Variants in ITPR2 observed in about 807,000 individuals in gnomAD.
The protein encoded by ITPR2 is inositol 1,4,5-trisphosphate receptor type 2, also known as inositol 1,4,5-trisphosphate-gated calcium channel ITPR2.
ITPR2 carries 207 observed loss-of-function variants against 317.1 expected under a neutral mutation model. The ratio of observed to expected loss-of-function variants is 0.65; its 90% CI spans 0.58 to 0.73. The LOEUF is 0.73. ITPR2 is among the 30% of genes least tolerant of loss of function. ITPR2 has a pLI of 0.00. For synonymous variants in ITPR2, 1,156 were observed against 1,149.1 expected (o/e 1.01, Z -0.12); for missense variants, 2,613 against 3,284.0 (o/e 0.80, Z 4.99).
At chr12:26,577,394 G>A in intron 34 of ITPR2, among the ~76,000 whole-genome samples, 1 of 152,094 alleles carries the variant, frequency 6.6e-6, no homozygotes, top group East Asian at 1.9e-4. Flanking sequence ...AGGAGAACTG[G>A]CATCTTTATC....
intron 39 of ITPR2, among the ~76,000 whole-genome samples, chr12:26,488,156 C>T (rs1338436657): frequency 6.6e-6 from 1 of 151,648 alleles, no homozygotes; most frequent in African/African-American, 2.4e-5. Flanking sequence ...TTATTACTAC[C>T]AAGATTATGA....
At chr12:26,359,408 TA>T (rs2136574604) in intron 55 of ITPR2, among the ~76,000 whole-genome samples, 1 of 152,292 alleles carries the variant, frequency 6.6e-6, no homozygotes, top group East Asian at 1.9e-4. Context: ...GGCTATGATT[TA>T]AAAGTCAGAG....
intron 1 of ITPR2, among the ~76,000 whole-genome samples, chr12:26,803,921 C>T (rs1242650101): frequency 6.6e-6 from 1 of 152,074 alleles, no homozygotes; most frequent in African/African-American, 2.4e-5. Context: ...ACTCATACTA[C>T]CAGAAACTTG....
intron 34 of ITPR2, among the ~76,000 whole-genome samples, 200 bp downstream of exon 34, chr12:26,578,513 T>C (rs1485186419): frequency 6.6e-6 from 1 of 152,170 alleles, no homozygotes; most frequent in Non-Finnish European, 1.5e-5. Context: ...AATTTAAGAT[T>C]TTTAATATAA....
intron 45 of ITPR2, among the ~76,000 whole-genome samples, chr12:26,462,099 A>G (rs1942048252): frequency 6.6e-6 from 1 of 151,988 alleles, no homozygotes; most frequent in South Asian, 2.1e-4. Flanking sequence ...ATCTCATCAC[A>G]TAATAATGAG....
chr12:26,483,636 A>T, intron 42 of ITPR2, 62 bp downstream of exon 42: 1 of 1,227,498 alleles, frequency 8.1e-7, no homozygotes, highest in Non-Finnish European at 1.2e-6. Context: ...AAGTGCACAC[A>T]AAGATTGGCT....
chr12:26,622,196 T>C (rs1241626230), intron 25 of ITPR2, 44 bp downstream of exon 25: 4 of 1,560,566 alleles, frequency 2.6e-6, no homozygotes, highest in South Asian at 2.4e-5. Flanking sequence ...ATTAACACTT[T>C]CAGAGCTTTT....
intron 37 of ITPR2, among the ~76,000 whole-genome samples, chr12:26,537,163 A>T (rs530585273): frequency 1.3e-5 from 2 of 152,296 alleles, no homozygotes; most frequent in South Asian, 2.1e-4. Flanking sequence ...AGGCAATGTC[A>T]TGGTGGTGAT....
At chr12:26,520,619 G>A (rs1020615793) in intron 37 of ITPR2, among the ~76,000 whole-genome samples, 1 of 152,038 alleles carries the variant, frequency 6.6e-6, no homozygotes, top group African/African-American at 2.4e-5. Context: ...CTGATGTAGG[G>A]GTGAGATCTG....
chr12:26,698,077 G>A (rs1948383814), intron 9 of ITPR2, among the ~76,000 whole-genome samples: 1 of 152,070 alleles, frequency 6.6e-6, no homozygotes, highest in African/African-American at 2.4e-5. Context: ...ACTAATGAGG[G>A]ACCAGAGCTC....
intron 37 of ITPR2, among the ~76,000 whole-genome samples, chr12:26,505,730 C>A (rs1237846534): frequency 1.3e-5 from 2 of 152,034 alleles, no homozygotes; most frequent in Non-Finnish European, 2.9e-5. Context: ...GATTCCAACA[C>A]CTAGCCCCAA....
chr12:26,697,637 C>G (rs749899243), intron 9 of ITPR2, among the ~76,000 whole-genome samples: 1 of 151,958 alleles, frequency 6.6e-6, no homozygotes, highest in African/African-American at 2.4e-5. Context: ...GGTAAGACCC[C>G]GTCTCTACTA....
rs369077679 is a variant in ITPR2 at position 26,654,014 on chromosome 12, G to A, written c.2702C>T (p.Ser901Leu). ...AILDIVQAPM[S>L]SYFERLSKFQ... ...TTTGCTTAATCTTTCAAAGTATGAT[G>A]ACATGGGGGCCTGTACAATGTCTAA... Residue 901 changes from serine to leucine, a missense_variant, in exon 21 of 57, where the codon TCA becomes TTA. This residue lies in a region of ITPR2 where 817 missense variants were observed against 897.6 expected (regional missense o/e 0.91). Transcript: ENST00000381340. The A allele has an allele frequency of 2.5e-6, 4 of 1,610,594 alleles. No individual in the cohort carries two copies. Among genetic ancestry groups the A allele is most frequent in the Middle Eastern group, 1.7e-4 (1 of 5,984 alleles).
rs375052437 is a variant in ITPR2, at chr12:26,411,297, G to T, written c.7399+23C>A. 9.7e-5 allele frequency: 147 copies of T among 1,522,126 alleles called. No individual in the cohort carries two copies. The African/African-American group carries it at 1.6e-3, about 17-fold the overall frequency. 94.3% of individuals were successfully genotyped at this position (1,522,126 alleles called of 1,614,324 possible). ...ACTTCAAAGATATCAAGTTCATACT[G>T]ACCCAGAGTCCTTTCTACAAACCTG... On this transcript the variant is annotated intron_variant, in intron 52 of 56. Transcript: ENST00000381340.
intron 2 of ITPR2, among the ~76,000 whole-genome samples, chr12:26,732,564 T>G (rs1170956920): frequency 6.6e-6 from 1 of 152,194 alleles, no homozygotes; most frequent in Non-Finnish European, 1.5e-5. Context: ...TAAAGATCAC[T>G]GGATCTTCAC....
intron 37 of ITPR2, among the ~76,000 whole-genome samples, chr12:26,516,449 A>G (rs1350889211): frequency 6.6e-6 from 1 of 152,094 alleles, no homozygotes; most frequent in Non-Finnish European, 1.5e-5. Context: ...TGATAGCAGA[A>G]AAGAAAAGGG....
chr12:26,590,897 T>G (rs1345280029), intron 32 of ITPR2, among the ~76,000 whole-genome samples: 1 of 151,926 alleles, frequency 6.6e-6, no homozygotes, highest in Non-Finnish European at 1.5e-5. Flanking sequence ...CTGGCCAACA[T>G]GGTGAAACCC....
chr12:26,626,555 G>A (rs1443172463), intron 23 of ITPR2, among the ~76,000 whole-genome samples: 2 of 152,186 alleles, frequency 1.3e-5, no homozygotes, highest in Non-Finnish European at 2.9e-5. Flanking sequence ...AGACTTCCTG[G>A]TTCTGCCATA....
At chr12:26,610,506 C>T (rs1946237670) in intron 26 of ITPR2, among the ~76,000 whole-genome samples, 1 of 150,134 alleles carries the variant, frequency 6.7e-6, no homozygotes, top group Non-Finnish European at 1.5e-5. Context: ...GAAAAATCAG[C>T]AAAGAAAAGG....
Sources: gnomAD v4.1 joint callset for allele counts (sites outside exome capture counted in the v4.1 genomes callset) on GRCh38, gnomAD v4.1.1 for gene constraint, gnomAD v4.1.1 regional missense constraint, MANE v1.5 for transcripts, NCBI Gene and HGNC (gene_info 2026-07-23, HGNC 2026-07-21) for gene names.